TJAP1: variants seen among roughly 807,000 people sequenced by gnomAD.
TJAP1 encodes tight junction associated protein 1.
TJAP1 carries 27 observed loss-of-function variants against 42.0 expected under a neutral mutation model. The observed-to-expected ratio is 0.64, with a 90% confidence interval of 0.47 to 0.89. TJAP1 has a LOEUF of 0.89. TJAP1 is among the 40% of genes least tolerant of loss of function. TJAP1 has a pLI of 0.00. For synonymous variants in TJAP1, 257 were observed against 288.4 expected (o/e 0.89, Z 1.10); for missense variants, 712 against 726.9 (o/e 0.98, Z 0.24).
chr6:43,504,259 C>T (rs112254435), intron 10 of TJAP1: 91 of 222,944 alleles, frequency 4.1e-4, no homozygotes, highest in African/African-American at 1.9e-3. Flanking sequence ...GAATTATAGG[C>T]GCCCACCACC....
chr6:43,506,235 T>G lies in TJAP1; in HGVS notation c.*380T>G, dbSNP rs180905262. 1,142 of 168,228 alleles carry G rather than the reference T, an allele frequency of 6.8e-3. 8 individuals are homozygous for G. The highest frequency in any genetic ancestry group is 9.4e-3 in the Non-Finnish European group (747 of 79,080). The allele number at this position is 168,228 out of a possible 1,614,324, so 10.4% of individuals were successfully genotyped here. On this transcript the variant is annotated 3_prime_UTR_variant, in exon 11 of 11. Transcript: ENST00000372449. ...CAAGTTTTGTTATTTTGTTTTTTTT[T>G]GGGGGTGATGGTGTAATTGTTAACC...
At chr6:43,499,178 C>T in intron 4 of TJAP1, 78 bp downstream of exon 4, 1 of 1,574,684 alleles carries the variant, frequency 6.4e-7, no homozygotes, top group Non-Finnish European at 8.6e-7. Context: ...CTTCTCCTGC[C>T]TGAGCTTCTG....
Position 43,492,825 on chromosome 6 carries a change from G to A in TJAP1, c.-121-5056G>A, listed in dbSNP as rs895098180. 1.3e-5 allele frequency among the ~76,000 whole-genome samples: 2 copies of A among 152,178 alleles called. No individual in the cohort carries two copies. Among genetic ancestry groups the A allele is most frequent in the Non-Finnish European group, 2.9e-5 (2 of 68,026 alleles). On this transcript the variant is annotated intron_variant, in intron 2 of 10. Transcript: ENST00000372449. This position sits in a 1 kb window ranked among gnomAD's most constrained non-coding sequence, Gnocchi z 4.2. The stretch of plus-strand genomic sequence containing the variant: ...GGCAGAGACTGGATTTCAGAGGCTT[G>A]AGAAGCGGCCAGACTTGTGTGGCGG...
rs1439125421 is a variant in TJAP1, at chr6:43,502,070, A to ACT, written c.291-212_291-211insTC. On this transcript the variant is annotated intron_variant, in intron 6 of 10. Coordinates refer to ENST00000372449, the Ensembl canonical transcript of TJAP1. ...GGGACACACACACACACACACACACACACACACTCTCTCTCTCTCTCTCTC... is the reference window on the plus strand; with the variant it reads ...GGGACACACACACACACACACACACACTCACACACTCTCTCTCTCTCTCTCTC... Among the ~76,000 whole-genome samples, 17 of 123,942 alleles carry ACT rather than the reference A, an allele frequency of 1.4e-4. 2 individuals are homozygous for ACT. Among genetic ancestry groups the ACT allele is most frequent in the African/African-American group, 6.5e-4 (16 of 24,742 alleles). The allele number at this position is 123,942 out of a possible 152,430, so 81.3% of individuals were successfully genotyped here.
intron 2 of TJAP1, among the ~76,000 whole-genome samples, chr6:43,494,159 G>A (rs189864015): frequency 2.0e-5 from 3 of 152,306 alleles, no homozygotes; most frequent in East Asian, 1.9e-4. Context: ...GCGGCAACAG[G>A]CGGCCTGCAC....
exon 10 of TJAP1, chr6:43,503,692 C>A: frequency 6.2e-7 from 1 of 1,614,126 alleles, no homozygotes; most frequent in East Asian, 2.2e-5. Flanking sequence ...CTTCCGAAAC[C>A]ACAAGTTTGC....
Position 43,505,472 on chromosome 6 carries a change from C to G in TJAP1, c.1291C>G (p.Arg431Gly). 1.2e-6 allele frequency: 2 copies of G among 1,613,610 alleles called. No homozygotes were observed. The highest frequency in any genetic ancestry group is 1.7e-6 in the Non-Finnish European group (2 of 1,180,024). Residue 431 changes from arginine to glycine, a missense_variant, in exon 11 of 11, where the codon CGC (arginine) becomes GGC (glycine). Coordinates refer to ENST00000372449, the Ensembl canonical transcript of TJAP1. This position sits in a 1 kb window ranked among gnomAD's most constrained non-coding sequence, Gnocchi z 5.5. ...TCCACCACCTGCTGCTGTGGCCCAG[C>G]GCACAGCCTTTGGACGCGATGCCCT...
chr6:43,503,521 C>T lies in TJAP1; in HGVS notation c.495+13C>T, dbSNP rs1791450471. 6.2e-7 allele frequency: 1 copy of T among 1,612,502 alleles called. No homozygotes were observed. The highest frequency in any genetic ancestry group is 1.7e-5 in the Admixed American group (1 of 60,030). On this transcript the variant is annotated intron_variant, in intron 9 of 10. Coordinates refer to ENST00000372449, the Ensembl canonical transcript of TJAP1. ...GGAAGAGCTCAATGTATGTGCGCTTCACTACTCGGGCCTTCCTCACCTGGG... is the reference window on the plus strand; with the variant it reads ...GGAAGAGCTCAATGTATGTGCGCTTTACTACTCGGGCCTTCCTCACCTGGG...
intron 5 of TJAP1, 57 bp downstream of exon 5, chr6:43,500,829 A>G: frequency 6.2e-7 from 1 of 1,600,044 alleles, no homozygotes; most frequent in Admixed American, 1.7e-5. Flanking sequence ...TCTTAGCTCC[A>G]GGCTAGACTG....
chr6:43,488,971 C>T (rs1787187490), intron 2 of TJAP1, among the ~76,000 whole-genome samples: 1 of 152,138 alleles, frequency 6.6e-6, no homozygotes, highest in Non-Finnish European at 1.5e-5. Flanking sequence ...GTGACTCTTC[C>T]CTTTTTGCCC....
chr6:43,482,025 A>AT (rs1785437404), intron 2 of TJAP1, among the ~76,000 whole-genome samples: 2 of 152,160 alleles, frequency 1.3e-5, no homozygotes, highest in African/African-American at 4.8e-5. Flanking sequence ...GGCACATGTG[A>AT]TTTTGAGAAG....
At chr6:43,502,325 G>C (rs1791110638) in exon 7 of TJAP1, 1 of 1,613,738 alleles carries the variant, frequency 6.2e-7, no homozygotes, top group Admixed American at 1.7e-5. Flanking sequence ...CCAACCAGGA[G>C]TTGGAGGACA....
At position 43,492,050 on chromosome 6, in the gene TJAP1, G is replaced by T. The variant is rs1477207687; in HGVS notation, c.-121-5831G>T. Reference sequence around the variant, plus strand: ...CAGGCTATGACCTTGGGGATTTCTTGCCCTCTTTTTTTGCAGGGAGGGGTT... The same window carrying T: ...CAGGCTATGACCTTGGGGATTTCTTTCCCTCTTTTTTTGCAGGGAGGGGTT... On this transcript the variant is annotated intron_variant, in intron 2 of 10. Transcript: ENST00000372449. The surrounding 1 kb of genome is among the most constrained non-coding windows in gnomAD (Gnocchi z 4.2). Among the ~76,000 whole-genome samples the T allele has an allele frequency of 6.6e-6, 1 of 152,142 alleles. No homozygotes were observed. The highest frequency in any genetic ancestry group is 6.5e-5 in the Admixed American group (1 of 15,274).
At chr6:43,502,958 T>C in intron 8 of TJAP1, 1 of 486,012 alleles carries the variant, frequency 2.1e-6, no homozygotes, top group Non-Finnish European at 3.7e-6. Context: ...CTTTTGAGCC[T>C]GCAGCTTGCT....
At chr6:43,501,090 CAT>C (rs1423185652) in intron 5 of TJAP1, 1 of 440,906 alleles carries the variant, frequency 2.3e-6, no homozygotes, top group Non-Finnish European at 4.1e-6. Flanking sequence ...CCTTTAGCCA[CAT>C]GAGGCCTCTG....
chr6:43,494,568 G>C (rs1030204974), intron 2 of TJAP1, among the ~76,000 whole-genome samples: 6 of 141,982 alleles, frequency 4.2e-5, no homozygotes, highest in Non-Finnish European at 6.1e-5. Flanking sequence ...CCAACATCCT[G>C]AGTCATCTGC....
Position 43,505,219 on chromosome 6 carries a change from C to G in TJAP1, c.1038C>G (p.Pro346=), listed in dbSNP as rs1391940994. 13 of 1,614,190 alleles carry G rather than the reference C, an allele frequency of 8.1e-6. No homozygotes were observed. Among genetic ancestry groups the G allele is most frequent in the Non-Finnish European group, 1.1e-5 (13 of 1,180,028 alleles). The stretch of plus-strand genomic sequence containing the variant: ...AGGTTCGGATCCCCCGCAACAGCCC[C>G]CTGCCCAACTGCACTTACGCTACCC... Residue 346 remains proline (P), a synonymous_variant, in exon 11 of 11, where the codon CCC becomes CCG. Coordinates refer to ENST00000372449, the Ensembl canonical transcript of TJAP1. The surrounding 1 kb of genome is among the most constrained non-coding windows in gnomAD (Gnocchi z 5.5).
Position 43,505,235 on chromosome 6 carries a change from T to C in TJAP1, c.1054T>C (p.Tyr352His). 6.2e-7 allele frequency: 1 copy of C among 1,613,986 alleles called. No individual in the cohort carries two copies. The stretch of plus-strand genomic sequence containing the variant: ...CAACAGCCCCCTGCCCAACTGCACT[T>C]ACGCTACCCGCCAGGCCATTTCCCT... Residue 352 changes from tyrosine (Y) to histidine (H), a missense_variant, in exon 11 of 11, where the codon TAC becomes CAC. Transcript: ENST00000372449. This position sits in a 1 kb window ranked among gnomAD's most constrained non-coding sequence, Gnocchi z 5.5.
chr6:43,505,035 C>T lies in TJAP1; in HGVS notation c.854C>T (p.Pro285Leu), dbSNP rs1485499527. Reference sequence around the variant, plus strand: ...CCCCCGGCCCCTGGCAGCCCCACCCCACAACCCAATGGGGAGTGCCACTCT... The same window carrying T: ...CCCCCGGCCCCTGGCAGCCCCACCCTACAACCCAATGGGGAGTGCCACTCT... Residue 285 changes from proline to leucine, a missense_variant, in exon 11 of 11, where the codon CCA (proline) becomes CTA (leucine). Pro to Leu is a moderately conservative substitution (Grantham distance 98). Transcript: ENST00000372449. This position sits in a 1 kb window ranked among gnomAD's most constrained non-coding sequence, Gnocchi z 5.5. The T allele has an allele frequency of 1.9e-6, 3 of 1,613,980 alleles. No homozygotes were observed. The highest frequency in any genetic ancestry group is 2.2e-5 in the South Asian group (2 of 91,092).
Sources: allele counts gnomAD v4.1 joint callset (sites outside exome capture counted in the v4.1 genomes callset), GRCh38; gene constraint gnomAD v4.1.1; non-coding constraint Gnocchi (gnomAD v3.1); transcripts MANE v1.5; gene names NCBI Gene and HGNC (gene_info 2026-07-23, HGNC 2026-07-21).